MAP2K4: variants seen among roughly 807,000 people sequenced by gnomAD.
The protein encoded by MAP2K4 is mitogen-activated protein kinase kinase 4, also known as dual specificity mitogen-activated protein kinase kinase 4.
In MAP2K4, 4 loss-of-function variants were observed where a neutral mutation model predicts 48.5. The observed-to-expected ratio is 0.08, with a 90% CI of 0.04 to 0.19. The LOEUF (loss-of-function observed/expected upper bound fraction) is 0.19, where lower values mean the gene tolerates loss of function less well. MAP2K4 is among the 10% of genes least tolerant of loss of function. The probability of loss-of-function intolerance (pLI) is 1.00; values close to 1 mark genes in which losing one functional copy is unlikely to be tolerated. For synonymous variants in MAP2K4, 166 were observed against 173.1 expected (o/e 0.96, Z 0.32); for missense variants, 258 against 493.3 (o/e 0.52, Z 4.52).
At chr17:12,058,195 T>C (rs933035234) in intron 2 of MAP2K4, among the ~76,000 whole-genome samples, 1 of 151,276 alleles carries the variant, frequency 6.6e-6, no homozygotes, top group Non-Finnish European at 1.5e-5. Context: ...AGGGGAAGAA[T>C]AAAGAGGAAA....
Position 12,081,664 on chromosome 17 carries a change from T to A in MAP2K4, c.393+134T>A. ...TTAAAAAATTGTTTCTCCAACTCCT[T>A]TGAGGGTGTTCTGTGTAGAGGTTTC... On this transcript the variant is annotated intron_variant, in intron 3 of 10. Transcript: ENST00000353533. This position sits in a 1 kb window ranked among gnomAD's most constrained non-coding sequence, Gnocchi z 4.2. 1.2e-6 allele frequency: 1 copy of A among 813,204 alleles called. No individual in the cohort carries two copies. The highest frequency in any genetic ancestry group is 2.0e-6 in the Non-Finnish European group (1 of 509,182). 50.4% of individuals were successfully genotyped at this position (813,204 alleles called of 1,614,324 possible).
At chr17:12,029,985 C>T (rs1567623385) in intron 1 of MAP2K4, among the ~76,000 whole-genome samples, 1 of 151,828 alleles carries the variant, frequency 6.6e-6, no homozygotes, top group Non-Finnish European at 1.5e-5. Context: ...TATATCATAA[C>T]TAAGAACTTG....
intron 1 of MAP2K4, among the ~76,000 whole-genome samples, chr17:12,022,944 A>C (rs994136233): frequency 2.6e-5 from 4 of 152,174 alleles, no homozygotes; most frequent in Admixed American, 1.3e-4. Flanking sequence ...AAGAGCTTGG[A>C]GTGTTCTAGG....
chr17:12,081,786 C>G lies in MAP2K4; in HGVS notation c.393+256C>G. ...GCATGATGCATTAACATGTTTTAAA[C>G]TTCAGGCCCTTCTACTGCCAAGGTG... On this transcript the variant is annotated intron_variant, in intron 3 of 10. Coordinates refer to ENST00000353533, the MANE Select transcript of MAP2K4 (RefSeq NM_003010.4). This position sits in a 1 kb window ranked among gnomAD's most constrained non-coding sequence, Gnocchi z 4.2. The G allele has an allele frequency of 2.0e-6, 1 of 496,274 alleles. No homozygotes were observed. The highest frequency in any genetic ancestry group is 3.9e-6 in the Non-Finnish European group (1 of 257,590). The allele number at this position is 496,274 out of a possible 1,614,324, so 30.7% of individuals were successfully genotyped here.
intron 1 of MAP2K4, chr17:12,032,411 A>G (rs995083976): frequency 1.4e-5 from 6 of 423,038 alleles, no homozygotes; most frequent in East Asian, 3.6e-5. Context: ...TTTACATTCA[A>G]AGAGCTACCA....
chr17:12,116,934 C>T (rs188646861), intron 7 of MAP2K4, among the ~76,000 whole-genome samples: 15 of 152,232 alleles, frequency 9.9e-5, no homozygotes, highest in Admixed American at 4.6e-4. Context: ...AGCATCACCA[C>T]GAGCGCGAGT....
chr17:12,084,473 G>A (rs944812949), intron 3 of MAP2K4, among the ~76,000 whole-genome samples: 15 of 152,228 alleles, frequency 9.9e-5, no homozygotes, highest in African/African-American at 3.6e-4. Context: ...GGCAAAGCCA[G>A]TGTTGCCTCT....
At chr17:12,038,513 A>G (rs1046590151) in intron 1 of MAP2K4, among the ~76,000 whole-genome samples, 6 of 152,180 alleles carry the variant, frequency 3.9e-5, no homozygotes, top group South Asian at 4.1e-4. Context: ...GTGTATCTAT[A>G]TATACCTTCG....
At chr17:12,071,858 G>A (rs764445018) in intron 2 of MAP2K4, among the ~76,000 whole-genome samples, 1 of 152,170 alleles carries the variant, frequency 6.6e-6, no homozygotes, top group Non-Finnish European at 1.5e-5. Flanking sequence ...GGCCTGGGCA[G>A]GAGAGAAGGT....
intron 2 of MAP2K4, among the ~76,000 whole-genome samples, chr17:12,070,266 G>A (rs149685090): frequency 3.0e-3 from 431 of 142,498 alleles, no homozygotes; most frequent in African/African-American, 0.01. Context: ...AAGTTCTCAT[G>A]TGCAGGAAAA....
At chr17:12,054,544 G>C (rs1970232370) in intron 1 of MAP2K4, among the ~76,000 whole-genome samples, 1 of 151,974 alleles carries the variant, frequency 6.6e-6, no homozygotes, top group African/African-American at 2.4e-5. Flanking sequence ...TGAACAGATG[G>C]TAATATTTTT....
chr17:12,115,925 C>A (rs1972478863), intron 7 of MAP2K4: 1 of 519,186 alleles, frequency 1.9e-6, no homozygotes, highest in African/African-American at 1.9e-5. Flanking sequence ...TCCGGTAGTT[C>A]ATCTTCTAAC....
At chr17:12,104,263 A>C (rs932906711) in intron 4 of MAP2K4, among the ~76,000 whole-genome samples, 1 of 152,182 alleles carries the variant, frequency 6.6e-6, no homozygotes, top group Non-Finnish European at 1.5e-5. Flanking sequence ...GGAAGAACTA[A>C]AAGGATTTTC....
intron 9 of MAP2K4, among the ~76,000 whole-genome samples, chr17:12,137,107 T>TA (rs1973234842): frequency 6.6e-6 from 1 of 152,162 alleles, no homozygotes; most frequent in African/African-American, 2.4e-5. Context: ...CCCTGTGAAA[T>TA]AGAGGCAACT....
At chr17:12,096,204 A>C (rs1479861570) in intron 4 of MAP2K4, among the ~76,000 whole-genome samples, 2 of 152,010 alleles carry the variant, frequency 1.3e-5, no homozygotes, top group African/African-American at 4.8e-5. Context: ...TCAGACATGG[A>C]AATTAACAAT....
chr17:12,028,124 G>A (rs769567709), intron 1 of MAP2K4, among the ~76,000 whole-genome samples: 2 of 152,084 alleles, frequency 1.3e-5, no homozygotes, highest in African/African-American at 2.4e-5. Flanking sequence ...ATACTTGCCC[G>A]AAGGAACATA....
intron 2 of MAP2K4, among the ~76,000 whole-genome samples, chr17:12,058,970 C>G (rs1012772043): frequency 1.3e-5 from 2 of 152,034 alleles, no homozygotes; most frequent in African/African-American, 4.8e-5. Context: ...ACATTTTTAT[C>G]TACTCAGGCA....
At chr17:12,132,014 G>T (rs889570514) in intron 9 of MAP2K4, among the ~76,000 whole-genome samples, 1 of 152,178 alleles carries the variant, frequency 6.6e-6, no homozygotes, top group Non-Finnish European at 1.5e-5. Context: ...CAGGAGACAT[G>T]CAGGTCAGAA....
chr17:12,072,780 A>C (rs1187453882), intron 2 of MAP2K4, among the ~76,000 whole-genome samples: 1 of 152,190 alleles, frequency 6.6e-6, no homozygotes, highest in Non-Finnish European at 1.5e-5. Flanking sequence ...TCTATACATA[A>C]AATTTATTTC....
Sources: allele counts gnomAD v4.1 joint callset (sites outside exome capture counted in the v4.1 genomes callset), GRCh38; gene constraint gnomAD v4.1.1; non-coding constraint Gnocchi (gnomAD v3.1); transcripts MANE v1.5; gene names NCBI Gene and HGNC (gene_info 2026-07-23, HGNC 2026-07-21).